Variants in CRY1 observed in about 807,000 individuals in gnomAD.
CRY1 encodes cryptochrome-1.
In CRY1, 45 loss-of-function variants were observed where a neutral mutation model predicts 76.0. The observed-to-expected ratio is 0.59, with a 90% CI of 0.47 to 0.76. The LOEUF is 0.76. Among genes scored for constraint, CRY1 ranks in the 30% least tolerant of loss-of-function variants. CRY1 has a pLI of 0.00. For synonymous variants in CRY1, 248 were observed against 244.0 expected, an observed-to-expected ratio of 1.02 and a Z score of -0.15; for missense variants, 587 against 716.4, an observed-to-expected ratio of 0.82 and a Z score of 2.06.
chr12:106,996,414 T>C (rs935790942), intron 10 of CRY1, among the ~76,000 whole-genome samples: 9 of 152,240 alleles, frequency 5.9e-5, no homozygotes, highest in African/African-American at 1.7e-4. Flanking sequence ...CTAATGTGAA[T>C]AGTGCTGCAA....
chr12:107,075,910 A>C (rs1210799710), intron 1 of CRY1, among the ~76,000 whole-genome samples: 1 of 152,202 alleles, frequency 6.6e-6, no homozygotes, highest in Admixed American at 6.5e-5. Flanking sequence ...GAGTACAAAA[A>C]GAAGAAAGGG....
chr12:107,025,876 C>G (rs1952602612), intron 1 of CRY1, among the ~76,000 whole-genome samples: 1 of 151,550 alleles, frequency 6.6e-6, no homozygotes, highest in Admixed American at 6.6e-5. Context: ...TCACACCAAA[C>G]CAAACTTCTC....
chr12:107,040,271 CT>C (rs34066417), intron 1 of CRY1, among the ~76,000 whole-genome samples: 73,010 of 134,208 alleles, frequency 0.54, 19,673 homozygotes, highest in East Asian at 0.72. Flanking sequence ...ACTTTCTTTC[CT>C]TTTTTTTTTT....
chr12:106,997,996 C>A lies in CRY1; in HGVS notation c.1208G>T (p.Ser403Ile). 1 of 1,614,150 alleles carries A rather than the reference C, an allele frequency of 6.2e-7. No homozygotes were observed. Among genetic ancestry groups the A allele is most frequent in the Non-Finnish European group, 8.5e-7 (1 of 1,179,994 alleles). ...GTGAAAAAACTGTTGAAAAAAGGAA[C>A]TACAAGACAGCCACATCCAACTTCC... ...NAGSWMWLSC[S>I]SFFQQFFHCY... The change falls in exon 8 of 13, where the codon AGT (serine) becomes ATT (isoleucine). Residue 403 changes from serine to isoleucine, a missense_variant. Ser to Ile is a moderately radical substitution (Grantham distance 142). Coordinates refer to ENST00000008527, the MANE Select transcript of CRY1 (RefSeq NM_004075.5).
intron 1 of CRY1, among the ~76,000 whole-genome samples, chr12:107,031,626 C>T (rs1952675816): frequency 6.6e-6 from 1 of 152,162 alleles, no homozygotes; most frequent in African/African-American, 2.4e-5. Context: ...TTCACTCTGA[C>T]TTAATGTGAT....
At chr12:107,006,206 T>A (rs1375668652) in intron 2 of CRY1, among the ~76,000 whole-genome samples, 1 of 151,916 alleles carries the variant, frequency 6.6e-6, no homozygotes, top group Non-Finnish European at 1.5e-5. Flanking sequence ...GCCAGCATGG[T>A]GAAACCCCGT....
chr12:107,056,558 C>T (rs889225214), intron 1 of CRY1, among the ~76,000 whole-genome samples: 3 of 151,714 alleles, frequency 2.0e-5, no homozygotes, highest in African/African-American at 7.3e-5. Context: ...TTTCTCAAAA[C>T]ATTATGAGAT....
intron 5 of CRY1, among the ~76,000 whole-genome samples, chr12:107,000,300 TAAATTTCCTTC>T (rs11275319): frequency 0.087 from 13,300 of 152,146 alleles, 692 homozygotes; most frequent in South Asian, 0.14. Flanking sequence ...TCATGTGAAA[TAAATTTCCTTC>T]AAATTTCCAA....
chr12:107,069,695 G>A (rs1953163643), intron 1 of CRY1, among the ~76,000 whole-genome samples: 1 of 141,056 alleles, frequency 7.1e-6, no homozygotes, highest in African/African-American at 2.6e-5. Context: ...TATATATAAA[G>A]TGTATATATA....
At chr12:107,031,711 G>A (rs1349273418) in intron 1 of CRY1, among the ~76,000 whole-genome samples, 1 of 151,980 alleles carries the variant, frequency 6.6e-6, no homozygotes, top group Admixed American at 6.6e-5. Flanking sequence ...AAAAAAATCA[G>A]AGAAACTCAA....
At chr12:107,004,480 A>T (rs1952347167) in intron 3 of CRY1, among the ~76,000 whole-genome samples, 1 of 152,176 alleles carries the variant, frequency 6.6e-6, no homozygotes, top group Non-Finnish European at 1.5e-5. Flanking sequence ...AGTTTTACAG[A>T]CCTCTAAGAC....
rs543272538 is a variant in CRY1, at chr12:107,054,220, G to T, written c.159-32028C>A. Reference sequence around the variant, plus strand: ...TTAGAATATATAAATCAGAAGAAAGGTAATTAGAGTTTGCGTTTCAAGGGC... The same window carrying T: ...TTAGAATATATAAATCAGAAGAAAGTTAATTAGAGTTTGCGTTTCAAGGGC... On this transcript the variant is annotated intron_variant, in intron 1 of 12. Transcript: ENST00000008527. 3.4e-4 allele frequency among the ~76,000 whole-genome samples: 51 copies of T among 152,126 alleles called. 1 individual carries two copies. The highest frequency in any genetic ancestry group is 2.4e-3 in the Admixed American group (36 of 15,286).
At chr12:107,020,901 T>C (rs758663896) in intron 2 of CRY1, among the ~76,000 whole-genome samples, 13 of 152,204 alleles carry the variant, frequency 8.5e-5, no homozygotes, top group Non-Finnish European at 1.9e-4. Flanking sequence ...TCTCTAGGCC[T>C]AATTTTTTCA....
chr12:107,092,470 A>G (rs575257310), intron 1 of CRY1, among the ~76,000 whole-genome samples: 4 of 152,208 alleles, frequency 2.6e-5, no homozygotes, highest in Non-Finnish European at 4.4e-5. Flanking sequence ...CAAAAAGGCC[A>G]AGGGAATCCA....
In CRY1 at chr12:106,992,688, T is replaced by C. The variant is rs532060916; in HGVS notation, c.*99A>G. The C allele has an allele frequency of 2.6e-5, 29 of 1,113,910 alleles. No individual in the cohort carries two copies. In the South Asian group the frequency reaches 3.9e-4, roughly 15 times the overall value. 69.0% of individuals were successfully genotyped at this position (1,113,910 alleles called of 1,614,324 possible). A position where few individuals can be genotyped will look rare whatever the true frequency, so the allele number is the denominator to read the frequency against. On this transcript the variant is annotated intron_variant, in intron 12 of 12. Coordinates refer to ENST00000008527, the MANE Select transcript of CRY1 (RefSeq NM_004075.5). ...TAAAAATTAATGCCTCAAGATTTTCTGGTTTGAAAATAGAGATTTGCTCCA... is the reference window on the plus strand; with the variant it reads ...TAAAAATTAATGCCTCAAGATTTTCCGGTTTGAAAATAGAGATTTGCTCCA...
intron 2 of CRY1, among the ~76,000 whole-genome samples, chr12:107,018,523 G>A (rs1952520772): frequency 6.6e-6 from 1 of 152,150 alleles, no homozygotes; most frequent in Non-Finnish European, 1.5e-5. Flanking sequence ...GAAGGCAAAT[G>A]TTGCAGTGAG....
intron 2 of CRY1, among the ~76,000 whole-genome samples, chr12:107,013,352 T>C (rs1952465326): frequency 6.6e-6 from 1 of 152,226 alleles, no homozygotes; most frequent in Non-Finnish European, 1.5e-5. Flanking sequence ...GCTTAGATGA[T>C]CACTAGCATT....
At chr12:107,043,270 A>C (rs897160928) in intron 1 of CRY1, 3 of 152,188 alleles carry the variant, frequency 2.0e-5, no homozygotes, top group Non-Finnish European at 4.4e-5. Flanking sequence ...CAAAAACAGT[A>C]CCTTGGCCAC....
chr12:107,024,683 T>A (rs919132609), intron 1 of CRY1, among the ~76,000 whole-genome samples: 1 of 152,206 alleles, frequency 6.6e-6, no homozygotes, highest in Admixed American at 6.5e-5. Flanking sequence ...CTGGCCTTAA[T>A]AAACATTATA....
Sources: allele counts gnomAD v4.1 joint callset (sites outside exome capture counted in the v4.1 genomes callset), GRCh38; gene constraint gnomAD v4.1.1; transcripts MANE v1.5; gene names NCBI Gene and HGNC (gene_info 2026-07-23, HGNC 2026-07-21).